Variants in EYS observed in about 807,000 individuals in gnomAD.
EYS encodes the protein protein eyes shut homolog.
In EYS, 250 loss-of-function variants were observed where a neutral mutation model predicts 282.1. The observed-to-expected ratio is 0.89, with a 90% CI of 0.80 to 0.98. The LOEUF (loss-of-function observed/expected upper bound fraction) is 0.98, where lower values mean the gene tolerates loss of function less well. Among genes scored for constraint, EYS ranks in the 50% least tolerant of loss-of-function variants. EYS has a pLI of 0.00. For synonymous variants in EYS, 1,355 were observed against 1,282.9 expected (o/e 1.06, Z -1.20); for missense variants, 4,016 against 3,709.0 (o/e 1.08, Z -2.15).
chr6:64,037,352 G>T (rs1481369289), intron 33 of EYS, among the ~76,000 whole-genome samples: 1 of 152,070 alleles, frequency 6.6e-6, no homozygotes, highest in Non-Finnish European at 1.5e-5. Flanking sequence ...TACAAAAGTG[G>T]AAACTAAATT....
At chr6:65,331,299 GT>G (rs1769788291) in intron 11 of EYS, 1 of 642,116 alleles carries the variant, frequency 1.6e-6, no homozygotes, top group South Asian at 7.0e-5. Context: ...CATTTATTCA[GT>G]GTATATATAA....
intron 12 of EYS, among the ~76,000 whole-genome samples, chr6:65,068,828 C>T (rs1773824535): frequency 6.6e-6 from 1 of 152,076 alleles, no homozygotes; most frequent in Non-Finnish European, 1.5e-5. Flanking sequence ...TTCAACTCTA[C>T]TCATAAGCCA....
chr6:65,646,935 A>G (rs79344283), intron 1 of EYS, among the ~76,000 whole-genome samples: 2,562 of 151,638 alleles, frequency 0.017, 77 homozygotes, highest in African/African-American at 0.06. Context: ...AAAATAAAAT[A>G]CTTCAAAAAA....
intron 41 of EYS, among the ~76,000 whole-genome samples, chr6:63,751,033 C>T (rs972996890): frequency 6.6e-6 from 1 of 152,102 alleles, no homozygotes; most frequent in Non-Finnish European, 1.5e-5. Context: ...TTCAGCACAT[C>T]TATTTAATCA....
At chr6:65,313,036 C>T (rs1769202591) in intron 11 of EYS, among the ~76,000 whole-genome samples, 1 of 152,136 alleles carries the variant, frequency 6.6e-6, no homozygotes, top group South Asian at 2.1e-4. Context: ...CGTGGAACAC[C>T]AGCAACACGG....
chr6:65,479,999 C>CAA (rs71002309), intron 5 of EYS, among the ~76,000 whole-genome samples: 13,779 of 126,140 alleles, frequency 0.11, 883 homozygotes, highest in South Asian at 0.16. Context: ...ACTAAAAATA[C>CAA]AAAAAAAAAA....
chr6:64,146,363 C>A (rs796805178), intron 31 of EYS, among the ~76,000 whole-genome samples: 3 of 152,220 alleles, frequency 2.0e-5, no homozygotes, highest in African/African-American at 7.2e-5. Context: ...CACAAGAACA[C>A]GTTAGCCTTG....
intron 26 of EYS, among the ~76,000 whole-genome samples, chr6:64,587,688 T>C (rs1182835977): frequency 2.6e-5 from 4 of 152,002 alleles, no homozygotes; most frequent in African/African-American, 9.7e-5. Flanking sequence ...ATTTTAGGTA[T>C]CTGCACGTTC....
chr6:64,299,823 A>G (rs1234680174), intron 30 of EYS, among the ~76,000 whole-genome samples: 2 of 152,178 alleles, frequency 1.3e-5, no homozygotes, highest in Admixed American at 6.5e-5. Flanking sequence ...CATCATCAGC[A>G]GTGGGTCCCA....
chr6:64,074,320 T>C (rs1389064253), intron 32 of EYS, among the ~76,000 whole-genome samples: 3 of 151,026 alleles, frequency 2.0e-5, no homozygotes, highest in Non-Finnish European at 4.4e-5. Context: ...TATTAAAATA[T>C]ATATGTATAT....
chr6:65,334,760 T>G (rs1300716095), intron 11 of EYS: 5 of 519,724 alleles, frequency 9.6e-6, no homozygotes, highest in Non-Finnish European at 1.4e-5. Context: ...ACAGATATAT[T>G]CCTTCTTCCC....
At chr6:65,666,910 TA>T (rs917452183) in intron 1 of EYS, among the ~76,000 whole-genome samples, 4 of 147,052 alleles carry the variant, frequency 2.7e-5, no homozygotes, top group Non-Finnish European at 6.0e-5. Flanking sequence ...AAAAAATACA[TA>T]AAAAATATAA....
At chr6:65,415,317 A>T (rs560027522) in intron 5 of EYS, among the ~76,000 whole-genome samples, 9 of 152,172 alleles carry the variant, frequency 5.9e-5, no homozygotes, top group African/African-American at 2.2e-4. Context: ...AGACCAACTG[A>T]AGGCAAATCC....
At chr6:63,770,916 C>G (rs1277205550) in intron 40 of EYS, among the ~76,000 whole-genome samples, 1 of 152,188 alleles carries the variant, frequency 6.6e-6, no homozygotes, top group Non-Finnish European at 1.5e-5. Context: ...TGCTGACATT[C>G]CCCTATGGCC....
intron 31 of EYS, among the ~76,000 whole-genome samples, chr6:64,122,304 A>G (rs1298199607): frequency 6.6e-6 from 1 of 152,172 alleles, no homozygotes. Context: ...GCATAGCATG[A>G]AATCTTCCCT....
chr6:64,010,096 G>A (rs1176809439), intron 33 of EYS, among the ~76,000 whole-genome samples: 1 of 152,114 alleles, frequency 6.6e-6, no homozygotes, highest in Non-Finnish European at 1.5e-5. Context: ...TTTTCTCTCT[G>A]GCCCCTTGAG....
intron 28 of EYS, among the ~76,000 whole-genome samples, chr6:64,393,191 C>T (rs1364845944): frequency 6.6e-6 from 1 of 152,156 alleles, no homozygotes; most frequent in Non-Finnish European, 1.5e-5. Flanking sequence ...CAGCCGAATT[C>T]TACCATAGGT....
chr6:63,927,246 C>T (rs1764743336), intron 35 of EYS, among the ~76,000 whole-genome samples: 1 of 152,180 alleles, frequency 6.6e-6, no homozygotes, highest in African/African-American at 2.4e-5. Flanking sequence ...ATGTCTCTAG[C>T]TCAATGTTAC....
At chr6:63,728,509 AG>A (rs1768699290) in intron 41 of EYS, among the ~76,000 whole-genome samples, 1 of 152,206 alleles carries the variant, frequency 6.6e-6, no homozygotes, top group Admixed American at 6.5e-5. Flanking sequence ...ACACATGCGC[AG>A]CCTTCTCCAC....
Sources: allele counts gnomAD v4.1 joint callset (sites outside exome capture counted in the v4.1 genomes callset), GRCh38; gene constraint gnomAD v4.1.1; transcripts MANE v1.5; gene names NCBI Gene and HGNC (gene_info 2026-07-23, HGNC 2026-07-21).